The following SHISA9 variants were observed in gnomAD, a reference collection of about 807,000 sequenced individuals.
SHISA9 encodes shisa family member 9.
SHISA9 carries 13 observed loss-of-function variants against 38.0 expected under a neutral mutation model. The observed-to-expected ratio is 0.34, with a 90% CI of 0.22 to 0.54. The LOEUF is 0.54. SHISA9 is among the 20% of genes least tolerant of loss of function. SHISA9 has a pLI of 0.91. For synonymous variants in SHISA9, 275 were observed against 242.0 expected (o/e 1.14, Z -1.27); for missense variants, 538 against 575.8 (o/e 0.93, Z 0.67).
chr16:13,003,811 TC>T (rs1420467051), intron 2 of SHISA9, among the ~76,000 whole-genome samples: 1 of 151,880 alleles, frequency 6.6e-6, no homozygotes, highest in Non-Finnish European at 1.5e-5. Context: ...TGAGCCGAGA[TC>T]GCGCCACTGC....
the SHISA9 span, among the ~76,000 whole-genome samples, chr16:13,484,584 T>C: frequency 6.6e-6 from 1 of 152,234 alleles, no homozygotes; most frequent in Admixed American, 6.5e-5. Context: ...GTAAGTGTAT[T>C]AGTCCGTTCT....
At chr16:13,365,470 T>C in the SHISA9 span, among the ~76,000 whole-genome samples, 1 of 150,156 alleles carries the variant, frequency 6.7e-6, no homozygotes, top group Non-Finnish European at 1.5e-5. Flanking sequence ...TTTTTTTTTT[T>C]TTTTGAGACA....
the SHISA9 span, among the ~76,000 whole-genome samples, chr16:13,352,699 A>AGGGGT: frequency 1.5e-4 from 1 of 6,704 alleles, no homozygotes; most frequent in Non-Finnish European, 4.0e-4. Flanking sequence ...AAGGGAGATA[A>AGGGGT]GGGGGGGGGG....
intron 2 of SHISA9, among the ~76,000 whole-genome samples, chr16:13,192,814 G>T (rs1334351906): frequency 6.6e-6 from 1 of 152,064 alleles, no homozygotes; most frequent in Non-Finnish European, 1.5e-5. Context: ...GGTGGAGGTT[G>T]CAGTGAGCTG....
chr16:13,334,637 G>C, the SHISA9 span, among the ~76,000 whole-genome samples: 1 of 151,986 alleles, frequency 6.6e-6, no homozygotes, highest in Non-Finnish European at 1.5e-5. Context: ...AGCCAGGCGT[G>C]GTGGCGGGCG....
chr16:13,015,714 C>G (rs1252661156), intron 2 of SHISA9, among the ~76,000 whole-genome samples: 5 of 151,982 alleles, frequency 3.3e-5, no homozygotes, highest in Non-Finnish European at 4.4e-5. Context: ...CACCGGTTCC[C>G]TACTGGAGAT....
chr16:13,010,175 G>A (rs1596582107), intron 2 of SHISA9, among the ~76,000 whole-genome samples: 3 of 151,260 alleles, frequency 2.0e-5, no homozygotes, highest in African/African-American at 4.8e-5. Flanking sequence ...ATCTTGTCTC[G>A]AAAAAAGAAA....
intron 1 of SHISA9, among the ~76,000 whole-genome samples, chr16:12,914,533 C>T (rs1310839323): frequency 2.0e-5 from 3 of 152,132 alleles, no homozygotes; most frequent in Non-Finnish European, 4.4e-5. Context: ...TTGTTATTCT[C>T]TTGTCTCTTA....
chr16:13,302,799 A>G, the SHISA9 span, among the ~76,000 whole-genome samples: 1 of 152,050 alleles, frequency 6.6e-6, no homozygotes, highest in Non-Finnish European at 1.5e-5. Flanking sequence ...GTGTCGAGGG[A>G]GGGACTTGGT....
At chr16:13,392,469 C>T in the SHISA9 span, among the ~76,000 whole-genome samples, 1 of 152,120 alleles carries the variant, frequency 6.6e-6, no homozygotes, top group Non-Finnish European at 1.5e-5. Context: ...GATTCACCTA[C>T]TGAAGGATGT....
chr16:13,342,926 A>G, the SHISA9 span, among the ~76,000 whole-genome samples: 1 of 152,204 alleles, frequency 6.6e-6, no homozygotes, highest in East Asian at 1.9e-4. Flanking sequence ...TTTACATCCT[A>G]TGACGTTTTC....
At chr16:13,452,693 G>C in the SHISA9 span, among the ~76,000 whole-genome samples, 2 of 152,080 alleles carry the variant, frequency 1.3e-5, no homozygotes, top group African/African-American at 4.8e-5. Context: ...TAGACTGCAA[G>C]ATAAAAACCT....
chr16:12,998,032 C>T (rs1021004693), intron 2 of SHISA9, among the ~76,000 whole-genome samples: 9 of 152,120 alleles, frequency 5.9e-5, no homozygotes, highest in African/African-American at 1.7e-4. Context: ...AGACTGGGTC[C>T]GTATTTTATT....
intron 2 of SHISA9, among the ~76,000 whole-genome samples, chr16:13,095,975 G>T (rs982955286): frequency 6.6e-6 from 1 of 152,184 alleles, no homozygotes; most frequent in African/African-American, 2.4e-5. Flanking sequence ...TGCTGTTGCT[G>T]CTGGTCCAAG....
At chr16:13,214,096 G>A (rs79319502) in intron 4 of SHISA9, among the ~76,000 whole-genome samples, 4,308 of 152,244 alleles carry the variant, frequency 0.028, 208 homozygotes, top group African/African-American at 0.098. Flanking sequence ...GGGTGTAATG[G>A]AAGCAGCTCT....
chr16:13,241,918 G>T (rs1372684290), downstream of SHISA9, among the ~76,000 whole-genome samples: 1 of 152,170 alleles, frequency 6.6e-6, no homozygotes, highest in Non-Finnish European at 1.5e-5. Context: ...AGAGCCCCAA[G>T]AATGTAGTCA....
the SHISA9 span, among the ~76,000 whole-genome samples, chr16:13,416,910 GAGAA>G: frequency 1.3e-5 from 2 of 151,852 alleles, no homozygotes; most frequent in South Asian, 2.1e-4. Context: ...AAGAAAGGCA[GAGAA>G]AGAAAAAGGA....
intron 2 of SHISA9, among the ~76,000 whole-genome samples, chr16:13,091,315 C>T (rs920987743): frequency 3.9e-5 from 6 of 152,068 alleles, no homozygotes; most frequent in African/African-American, 1.4e-4. Context: ...TTGTGGTGTT[C>T]TTTGTATTTC....
intron 2 of SHISA9, among the ~76,000 whole-genome samples, chr16:13,031,088 A>C (rs977721744): frequency 1.3e-5 from 2 of 152,182 alleles, no homozygotes; most frequent in African/African-American, 4.8e-5. Flanking sequence ...TGCTGTAAGT[A>C]AACAATGGCC....
Sources: gnomAD v4.1 joint callset for allele counts (sites outside exome capture counted in the v4.1 genomes callset) on GRCh38, gnomAD v4.1.1 for gene constraint, MANE v1.5 for transcripts, NCBI Gene and HGNC (gene_info 2026-07-23, HGNC 2026-07-21) for gene names.